Variants in RNF24 observed in about 807,000 individuals in gnomAD.
The protein encoded by RNF24 is ring finger protein 24.
RNF24 carries 14 observed loss-of-function variants against 20.0 expected under a neutral mutation model. The ratio of observed to expected loss-of-function variants is 0.70; its 90% confidence interval spans 0.46 to 1.10. The LOEUF is 1.10. RNF24 is among the 50% of genes least tolerant of loss of function. The probability of loss-of-function intolerance (pLI) is 0.00; values close to 1 mark genes in which losing one functional copy is unlikely to be tolerated. For missense variants in RNF24, 124 were observed against 177.6 expected, an observed-to-expected ratio of 0.70 and a Z score of 1.71; for synonymous variants, 45 against 61.1, an observed-to-expected ratio of 0.74 and a Z score of 1.23.
chr20:3,948,213 G>A (rs992257449), intron 3 of RNF24, 24 bp downstream of exon 3: 1 of 1,558,482 alleles, frequency 6.4e-7, no homozygotes, highest in Non-Finnish European at 8.7e-7. Flanking sequence ...AAAAATCAAA[G>A]CCAATCTGAA....
At chr20:3,979,161 C>T (rs6139261) in intron 1 of RNF24, among the ~76,000 whole-genome samples, 4,937 of 150,184 alleles carry the variant, frequency 0.033, 238 homozygotes, top group East Asian at 0.24. Flanking sequence ...ACTGTGTGTG[C>T]GTGTGTGTGT....
intron 2 of RNF24, among the ~76,000 whole-genome samples, chr20:3,948,856 G>C (rs2091049968): frequency 6.6e-6 from 1 of 152,124 alleles, no homozygotes; most frequent in South Asian, 2.1e-4. Context: ...ACAATGCCTT[G>C]TGAGATTCTT....
At chr20:3,973,062 G>GT (rs1222323435) in intron 1 of RNF24, among the ~76,000 whole-genome samples, 1 of 152,062 alleles carries the variant, frequency 6.6e-6, no homozygotes, top group African/African-American at 2.4e-5. Flanking sequence ...AATTAGCTGG[G>GT]TGTGGTGGCA....
At chr20:3,958,053 A>T (rs1344286641) in intron 2 of RNF24, among the ~76,000 whole-genome samples, 1 of 151,884 alleles carries the variant, frequency 6.6e-6, no homozygotes, top group Non-Finnish European at 1.5e-5. Context: ...TCAACTGTCA[A>T]TTTTTTACTA....
rs111962543 is a variant in RNF24 at position 3,933,413 on chromosome 20, A to G, written c.*650T>C. ...CTGGTGCATAGGAGAGGGAAATGAT[A>G]AGAGGAAATGGCTTCTGACTAGGCC... On this transcript the variant is annotated 3_prime_UTR_variant, in exon 6 of 6. Coordinates refer to ENST00000358395, the MANE Select transcript of RNF24 (RefSeq NM_001134337.3). 3,099 of 385,150 alleles carry G rather than the reference A, an allele frequency of 8.0e-3. 100 individuals carry two copies. Among genetic ancestry groups the G allele is most frequent in the African/African-American group, 0.059 (2,849 of 48,498 alleles). The allele number at this position is 385,150 out of a possible 1,614,324, so 23.9% of individuals were successfully genotyped here. A position where few individuals can be genotyped will look rare whatever the true frequency, so the allele number is the denominator to read the frequency against.
At chr20:3,990,464 C>T (rs1357091381) in intron 1 of RNF24, among the ~76,000 whole-genome samples, 2 of 152,136 alleles carry the variant, frequency 1.3e-5, no homozygotes, top group African/African-American at 2.4e-5. Context: ...AGGCTCTTCA[C>T]ACAAACTTGT....
At chr20:3,972,191 T>C (rs539126249) in intron 1 of RNF24, among the ~76,000 whole-genome samples, 1 of 152,294 alleles carries the variant, frequency 6.6e-6, no homozygotes, top group Admixed American at 6.5e-5. Flanking sequence ...AAGAAATCTA[T>C]AATTATACTC....
chr20:3,970,692 TA>T (rs1030366836), intron 1 of RNF24, among the ~76,000 whole-genome samples: 30 of 151,576 alleles, frequency 2.0e-4, no homozygotes, highest in Non-Finnish European at 1.3e-4. Context: ...ATAATTGAAA[TA>T]AAAAAACTAA....
intron 1 of RNF24, among the ~76,000 whole-genome samples, chr20:3,995,990 A>G (rs1197275131): frequency 6.6e-6 from 1 of 152,162 alleles, no homozygotes; most frequent in Non-Finnish European, 1.5e-5. Context: ...CATCACACAA[A>G]GCGCTATTAT....
intron 1 of RNF24, among the ~76,000 whole-genome samples, chr20:3,979,051 G>A (rs1453994020): frequency 6.8e-6 from 1 of 147,904 alleles, no homozygotes; most frequent in Non-Finnish European, 1.5e-5. Flanking sequence ...CCAAGATCGC[G>A]CCACTGCACT....
Position 3,932,215 on chromosome 20 carries a change from A to G in RNF24, c.*1848T>C, listed in dbSNP as rs548724331. On this transcript the variant is annotated 3_prime_UTR_variant, in exon 6 of 6. Transcript: ENST00000358395. ...TATTGGTCACTGAAAACAGCTCACT[A>G]TAAACGGGGTGTTTTGTGGCATTCA... The G allele has an allele frequency of 1.7e-4, 26 of 152,340 alleles. No homozygotes were observed. In the South Asian group the frequency reaches 5.4e-3, roughly 32 times the overall value. The allele number at this position is 152,340 out of a possible 1,614,324, so 9.4% of individuals were successfully genotyped here.
chr20:3,986,615 T>G (rs765213111), intron 1 of RNF24, among the ~76,000 whole-genome samples: 1 of 151,754 alleles, frequency 6.6e-6, no homozygotes, highest in Non-Finnish European at 1.5e-5. Context: ...CCTCCTGACA[T>G]CTATATCCCA....
At chr20:3,957,320 G>C (rs1437916432) in intron 2 of RNF24, among the ~76,000 whole-genome samples, 1 of 151,618 alleles carries the variant, frequency 6.6e-6, no homozygotes, top group Non-Finnish European at 1.5e-5. Flanking sequence ...AGTTAGCCAG[G>C]CATGATGGCG....
chr20:3,948,454 A>G (rs184903337), intron 2 of RNF24, among the ~76,000 whole-genome samples, 175 bp from the exon 3 acceptor site: 1 of 152,162 alleles, frequency 6.6e-6, no homozygotes, highest in African/African-American at 2.4e-5. Flanking sequence ...ATGCTATGTG[A>G]AAGTGCCCAG....
chr20:3,934,130 T>A lies in RNF24; in HGVS notation c.380A>T (p.Gln127Leu), dbSNP rs2090861269. 1 of 1,583,872 alleles carries A rather than the reference T, an allele frequency of 6.3e-7. No homozygotes were observed. The highest frequency in any genetic ancestry group is 8.6e-7 in the Non-Finnish European group (1 of 1,165,952). ...LCNMPVLQLA[Q>L]LHSKQDRGPP... is the part of the protein sequence containing the mutation. ...TCCACGGTCCTGCTTACTGTGCAAC[T>A]GGGCCAGCTGTAGAACTGGCATGTT... The change falls in exon 6 of 6, where the codon CAG becomes CTG. Residue 127 changes from glutamine (Q) to leucine (L), a missense_variant. By Grantham distance (113) the Gln-to-Leu change is moderately radical. Transcript: ENST00000358395. The surrounding 1 kb of genome is among the most constrained non-coding windows in gnomAD (Gnocchi z 4.0).
intron 2 of RNF24, among the ~76,000 whole-genome samples, chr20:3,963,495 C>T (rs2091225347): frequency 6.6e-6 from 1 of 152,158 alleles, no homozygotes; most frequent in Non-Finnish European, 1.5e-5. Flanking sequence ...GCCCAGCCTT[C>T]CCTACTTTTC....
At chr20:3,996,569 A>T (rs969445353) in intron 1 of RNF24, among the ~76,000 whole-genome samples, 4 of 151,952 alleles carry the variant, frequency 2.6e-5, no homozygotes, top group African/African-American at 9.7e-5. Context: ...CACCCTCAAT[A>T]TCTGTTCTCC....
intron 1 of RNF24, among the ~76,000 whole-genome samples, chr20:3,971,188 A>G (rs1312792077): frequency 6.6e-6 from 1 of 152,186 alleles, no homozygotes; most frequent in Non-Finnish European, 1.5e-5. Context: ...TTCTCATCAG[A>G]AACAATGGAG....
intron 1 of RNF24, among the ~76,000 whole-genome samples, chr20:3,994,402 T>C (rs1980698271): frequency 6.6e-6 from 1 of 152,222 alleles, no homozygotes; most frequent in African/African-American, 2.4e-5. Context: ...CTCTGGAGTA[T>C]AACAGATAGA....
Sources: gnomAD v4.1 joint callset for allele counts (sites outside exome capture counted in the v4.1 genomes callset) on GRCh38, gnomAD v4.1.1 for gene constraint, Gnocchi (gnomAD v3.1) non-coding constraint, MANE v1.5 for transcripts, NCBI Gene and HGNC (gene_info 2026-07-23, HGNC 2026-07-21) for gene names.